Variants in TRDN observed in about 807,000 individuals in gnomAD.
The protein encoded by TRDN is triadin, also known as triadin in skeletal muscle.
Under a neutral mutation model 149.7 loss-of-function variants are expected in TRDN, and 161 were observed. The observed-to-expected ratio is 1.08, with a 90% CI of 0.95 to 1.23. The LOEUF (loss-of-function observed/expected upper bound fraction) is 1.23, where lower values mean the gene tolerates loss of function less well. Ranked by LOEUF, TRDN falls within the 50% of genes most tolerant of loss-of-function variation. The pLI is 0.00. For missense variants in TRDN, 896 were observed against 823.5 expected (o/e 1.09, Z -1.08); for synonymous variants, 294 against 250.5 (o/e 1.17, Z -1.64).
intron 1 of TRDN, among the ~76,000 whole-genome samples, chr6:123,630,631 C>T (rs978954606): frequency 5.3e-5 from 8 of 151,630 alleles, no homozygotes; most frequent in Admixed American, 5.3e-4. Flanking sequence ...AGCTCATAAA[C>T]GGAACATTTT....
intron 9 of TRDN, among the ~76,000 whole-genome samples, chr6:123,484,927 G>A (rs1323032190): frequency 6.6e-6 from 1 of 152,174 alleles, no homozygotes; most frequent in East Asian, 1.9e-4. Context: ...CAATGAAACT[G>A]ACTGAGAGAG....
intron 21 of TRDN, among the ~76,000 whole-genome samples, chr6:123,347,800 A>T (rs564716759): frequency 5.3e-5 from 8 of 152,214 alleles, no homozygotes; most frequent in Non-Finnish European, 8.8e-5. Flanking sequence ...TTGCTTATTT[A>T]AAAAAGGCAG....
intron 4 of TRDN, among the ~76,000 whole-genome samples, chr6:123,535,369 T>C (rs984717339): frequency 9.2e-5 from 14 of 152,146 alleles, no homozygotes; most frequent in African/African-American, 2.4e-4. Context: ...AGGAAGTGTA[T>C]TTCTACTTCT....
chr6:123,611,577 G>A (rs911990617), intron 1 of TRDN, among the ~76,000 whole-genome samples: 3 of 152,128 alleles, frequency 2.0e-5, no homozygotes, highest in African/African-American at 7.2e-5. Flanking sequence ...GTATAAGACA[G>A]TGCTGGTACT....
At chr6:123,597,288 C>G (rs1383151661) in intron 1 of TRDN, among the ~76,000 whole-genome samples, 2 of 152,034 alleles carry the variant, frequency 1.3e-5, no homozygotes, top group Admixed American at 1.3e-4. Context: ...GAAGATGGAA[C>G]TGAACTGCCG....
At chr6:123,392,976 G>A (rs2114459080) in intron 13 of TRDN, among the ~76,000 whole-genome samples, 1 of 152,072 alleles carries the variant, frequency 6.6e-6, no homozygotes, top group Non-Finnish European at 1.5e-5. Context: ...AGTAAACATT[G>A]TATCTTTTAT....
At chr6:123,491,818 G>A (rs1409093870) in intron 9 of TRDN, among the ~76,000 whole-genome samples, 2 of 152,098 alleles carry the variant, frequency 1.3e-5, no homozygotes, top group Non-Finnish European at 2.9e-5. Flanking sequence ...TGTTTTTATG[G>A]AACTATGCCT....
intron 10 of TRDN, chr6:123,463,033 T>C (rs530486895): frequency 1.2e-4 from 19 of 152,316 alleles, no homozygotes; most frequent in African/African-American, 4.1e-4. Flanking sequence ...TGGGATGAAC[T>C]GTCAAATTAC....
At chr6:123,309,084 G>C (rs1027573662) in intron 24 of TRDN, among the ~76,000 whole-genome samples, 45 of 151,698 alleles carry the variant, frequency 3.0e-4, no homozygotes, top group Admixed American at 9.2e-4. Flanking sequence ...AAAGATTTTG[G>C]TTCAAACTCC....
At chr6:123,548,634 AAAAAAG>A in intron 2 of TRDN, 22 bp from the exon 3 acceptor site, 1 of 1,349,632 alleles carries the variant, frequency 7.4e-7, no homozygotes, top group Non-Finnish European at 9.6e-7. Context: ...TAAAAAAAAA[AAAAAAG>A]AAAAAGTTTG....
At chr6:123,630,150 T>A (rs1350649081) in intron 1 of TRDN, among the ~76,000 whole-genome samples, 1 of 110,068 alleles carries the variant, frequency 9.1e-6, no homozygotes, top group African/African-American at 7.9e-5. Context: ...CAGATGAAGA[T>A]TTTTCCCCTG....
intron 10 of TRDN, among the ~76,000 whole-genome samples, chr6:123,451,427 T>C (rs1474704760): frequency 1.3e-5 from 2 of 152,008 alleles, no homozygotes; most frequent in Non-Finnish European, 2.9e-5. Flanking sequence ...ACATTACAAT[T>C]GACACCACTG....
chr6:123,535,603 G>T (rs975630343), intron 4 of TRDN, among the ~76,000 whole-genome samples: 2 of 152,056 alleles, frequency 1.3e-5, no homozygotes, highest in African/African-American at 4.8e-5. Flanking sequence ...TTTAAACTCT[G>T]ACTTTCATGG....
chr6:123,287,865 G>C (rs1357805654), intron 24 of TRDN, among the ~76,000 whole-genome samples: 1 of 152,028 alleles, frequency 6.6e-6, no homozygotes, highest in East Asian at 1.9e-4. Flanking sequence ...GTTTCAAATA[G>C]TGAGTAGCAA....
intron 1 of TRDN, among the ~76,000 whole-genome samples, chr6:123,574,869 T>TATATAC (rs1782761481): frequency 8.2e-6 from 1 of 122,420 alleles, no homozygotes; most frequent in Non-Finnish European, 1.6e-5. Context: ...TATATATATA[T>TATATAC]ATATATATAT....
chr6:123,424,284 G>T (rs1465111022), intron 12 of TRDN, among the ~76,000 whole-genome samples: 1 of 152,150 alleles, frequency 6.6e-6, no homozygotes, highest in East Asian at 1.9e-4. Flanking sequence ...GCCCTTTTCT[G>T]TCCCTAATTG....
At chr6:123,614,323 A>C (rs913078397) in intron 1 of TRDN, among the ~76,000 whole-genome samples, 18 of 149,862 alleles carry the variant, frequency 1.2e-4, no homozygotes, top group Non-Finnish European at 1.9e-4. Context: ...AACAAAAAAA[A>C]CCCTCAAATT....
At chr6:123,272,925 A>G (rs1777250928) in intron 29 of TRDN, 39 bp downstream of exon 29, 2 of 1,390,396 alleles carry the variant, frequency 1.4e-6, no homozygotes, top group African/African-American at 3.0e-5. Flanking sequence ...TAGAACATTG[A>G]GAGGTTATTT....
chr6:123,410,356 C>G (rs1254891571), intron 12 of TRDN, among the ~76,000 whole-genome samples: 1 of 152,120 alleles, frequency 6.6e-6, no homozygotes, highest in African/African-American at 2.4e-5. Context: ...TCCCCTTTTG[C>G]AAGCACCTAG....
Sources: gnomAD v4.1 joint callset for allele counts (sites outside exome capture counted in the v4.1 genomes callset) on GRCh38, gnomAD v4.1.1 for gene constraint, MANE v1.5 for transcripts, NCBI Gene and HGNC (gene_info 2026-07-23, HGNC 2026-07-21) for gene names.